The following SSBP3 variants were observed in gnomAD, a reference collection of about 807,000 sequenced individuals.
The protein encoded by SSBP3 is single stranded DNA binding protein 3.
Under a neutral mutation model 69.6 loss-of-function variants are expected in SSBP3, and 5 were observed. The observed-to-expected ratio is 0.07, with a 90% CI of 0.04 to 0.15. The LOEUF is 0.15. Ranked by LOEUF, SSBP3 falls within the 10% of genes least tolerant of loss-of-function variation. SSBP3 has a pLI of 1.00. For missense variants in SSBP3, 312 were observed against 534.0 expected, an observed-to-expected ratio of 0.58 and a Z score of 4.10; for synonymous variants, 196 against 193.4, an observed-to-expected ratio of 1.01 and a Z score of -0.11.
chr1:54,255,052 C>T (rs920093268), intron 7 of SSBP3, among the ~76,000 whole-genome samples: 1 of 150,222 alleles, frequency 6.7e-6, no homozygotes, highest in African/African-American at 2.5e-5. Flanking sequence ...AGGCCAGTCT[C>T]GAACTCCTGA....
chr1:54,241,774 G>A (rs958203652), intron 11 of SSBP3, among the ~76,000 whole-genome samples: 12 of 152,324 alleles, frequency 7.9e-5, no homozygotes, highest in East Asian at 3.9e-4. Flanking sequence ...AAGGCCCTCC[G>A]GTTTGAGAGG....
intron 4 of SSBP3, among the ~76,000 whole-genome samples, chr1:54,360,425 T>C (rs1646932258): frequency 6.6e-6 from 1 of 152,214 alleles, no homozygotes; most frequent in Non-Finnish European, 1.5e-5. Flanking sequence ...CTGTCCAATC[T>C]TGGCAATCAC....
intron 4 of SSBP3, among the ~76,000 whole-genome samples, chr1:54,291,341 A>G (rs1645602760): frequency 6.6e-6 from 1 of 152,118 alleles, no homozygotes; most frequent in Non-Finnish European, 1.5e-5. Flanking sequence ...GGGTCCCCCA[A>G]TGCCAGGGAA....
chr1:54,403,799 G>A (rs1430804667), intron 3 of SSBP3, among the ~76,000 whole-genome samples: 1 of 152,020 alleles, frequency 6.6e-6, no homozygotes, highest in Non-Finnish European at 1.5e-5. Context: ...AAAACACCCG[G>A]GTCATATACC....
At chr1:54,327,293 A>AACAACAACAACAACT (rs1315240746) in intron 4 of SSBP3, among the ~76,000 whole-genome samples, 18 of 151,414 alleles carry the variant, frequency 1.2e-4, no homozygotes, top group African/African-American at 4.1e-4. Context: ...GAACAACAAC[A>AACAACAACAACAACT]AAAAACCCCC....
chr1:54,303,165 G>C (rs548476192), intron 4 of SSBP3, among the ~76,000 whole-genome samples: 1 of 152,348 alleles, frequency 6.6e-6, no homozygotes, highest in South Asian at 2.1e-4. Context: ...GCCATGGGGT[G>C]CTGGTGCTGC....
chr1:54,384,152 C>T (rs548827266), intron 4 of SSBP3, among the ~76,000 whole-genome samples: 21 of 149,810 alleles, frequency 1.4e-4, no homozygotes, highest in African/African-American at 2.7e-4. Flanking sequence ...AGAACAGTCA[C>T]GGGGCTTCTA....
intron 4 of SSBP3, among the ~76,000 whole-genome samples, chr1:54,324,430 A>G (rs1299965738): frequency 1.5e-5 from 2 of 137,356 alleles, no homozygotes; most frequent in Non-Finnish European, 3.1e-5. Context: ...CCACCCCCAC[A>G]CCCCTACAGA....
At chr1:54,328,088 C>T (rs868354255) in intron 4 of SSBP3, among the ~76,000 whole-genome samples, 35 of 152,234 alleles carry the variant, frequency 2.3e-4, no homozygotes, top group Admixed American at 5.2e-4. Flanking sequence ...AGAATGAGGG[C>T]TTGTACCCTG....
chr1:54,270,755 G>T (rs1645179167), intron 5 of SSBP3, among the ~76,000 whole-genome samples: 1 of 152,112 alleles, frequency 6.6e-6, no homozygotes, highest in Non-Finnish European at 1.5e-5. Context: ...CACCAGGTGG[G>T]GCTTCATACA....
chr1:54,282,088 A>G (rs1436387420), intron 4 of SSBP3, among the ~76,000 whole-genome samples: 1 of 151,302 alleles, frequency 6.6e-6, no homozygotes, highest in Non-Finnish European at 1.5e-5. Flanking sequence ...ATGGGGGGAC[A>G]ATGTCCACCA....
At chr1:54,388,620 T>G (rs1430137221) in intron 4 of SSBP3, among the ~76,000 whole-genome samples, 1 of 152,236 alleles carries the variant, frequency 6.6e-6, no homozygotes, top group Non-Finnish European at 1.5e-5. Flanking sequence ...CAGTGATCCA[T>G]CTGCTGCAGG....
chr1:54,374,784 C>A (rs567220297), intron 4 of SSBP3, among the ~76,000 whole-genome samples: 1 of 152,314 alleles, frequency 6.6e-6, no homozygotes, highest in Admixed American at 6.5e-5. Context: ...CCTAATCCAA[C>A]GTGAGATATC....
rs114200699 is a variant in SSBP3 at position 54,394,227 on chromosome 1, C to T, written c.276+7634G>A. Among the ~76,000 whole-genome samples the T allele has an allele frequency of 9.3e-3, 1,419 of 152,318 alleles. 21 individuals carry two copies. The highest frequency in any genetic ancestry group is 0.032 in the African/African-American group (1,343 of 41,552). ...GGTTTGAGTTCTACTGGAAACTTCA[C>T]GCAGGGCACCTTTCCCTCTGCGCAT... On this transcript the variant is annotated intron_variant, in intron 4 of 17. Transcript: ENST00000610401.
intron 5 of SSBP3, among the ~76,000 whole-genome samples, chr1:54,273,642 G>A (rs781458791): frequency 9.2e-5 from 14 of 152,204 alleles, no homozygotes; most frequent in Non-Finnish European, 1.8e-4. Flanking sequence ...GATTGTGGAG[G>A]GCAGGACCAG....
intron 5 of SSBP3, among the ~76,000 whole-genome samples, chr1:54,276,566 G>A (rs1180465074): frequency 2.4e-5 from 3 of 123,974 alleles, no homozygotes; most frequent in Non-Finnish European, 4.7e-5. Context: ...AGCCGAGATC[G>A]CCACTGCCCT....
intron 4 of SSBP3, among the ~76,000 whole-genome samples, chr1:54,369,120 A>G (rs1647078066): frequency 6.6e-6 from 1 of 151,920 alleles, no homozygotes; most frequent in Admixed American, 6.6e-5. Flanking sequence ...AAAGTAAGTC[A>G]GAAACCACTG....
intron 4 of SSBP3, among the ~76,000 whole-genome samples, chr1:54,345,504 G>A (rs1456918268): frequency 6.6e-6 from 1 of 152,144 alleles, no homozygotes; most frequent in Non-Finnish European, 1.5e-5. Flanking sequence ...AATCTCACCT[G>A]AGCCAGCTGG....
At chr1:54,376,416 G>A (rs1647238291) in intron 4 of SSBP3, among the ~76,000 whole-genome samples, 2 of 152,184 alleles carry the variant, frequency 1.3e-5, no homozygotes, top group Admixed American at 1.3e-4. Flanking sequence ...AAGGAATGGT[G>A]CTCCCAACCT....
Sources: allele counts gnomAD v4.1 joint callset (sites outside exome capture counted in the v4.1 genomes callset), GRCh38; gene constraint gnomAD v4.1.1; transcripts MANE v1.5; gene names NCBI Gene and HGNC (gene_info 2026-07-23, HGNC 2026-07-21).